Variants in TMEM131L observed in about 807,000 individuals in gnomAD.
TMEM131L encodes transmembrane protein 131-like.
TMEM131L carries 54 observed loss-of-function variants against 192.2 expected under a neutral mutation model. That is an observed-to-expected ratio of 0.28 (90% confidence interval 0.23 to 0.35). The LOEUF (loss-of-function observed/expected upper bound fraction) is 0.35, where lower values mean the gene tolerates loss of function less well. Ranked by LOEUF, TMEM131L falls within the 10% of genes least tolerant of loss-of-function variation. The pLI, the probability that TMEM131L is intolerant of heterozygous loss-of-function variation, is 1.00. For synonymous variants in TMEM131L, 701 were observed against 704.9 expected (o/e 0.99, Z 0.09); for missense variants, 1,888 against 1,972.9 (o/e 0.96, Z 0.82).
intron 2 of TMEM131L, among the ~76,000 whole-genome samples, chr4:153,467,947 G>GA (rs1458203398): frequency 1.3e-5 from 2 of 152,228 alleles, no homozygotes; most frequent in African/African-American, 4.8e-5. Context: ...CATTGACTGT[G>GA]AAGTGTGCAC....
chr4:153,557,060 C>T lies in TMEM131L; in HGVS notation c.527C>T (p.Ser176Leu), dbSNP rs140648764. ...IESSLFINTSSYGVLSYHVSG... is the reference protein window; with the variant it reads ...IESSLFINTSLYGVLSYHVSG... ...AGTTCCTTATTTATTAATACCTCTT[C>T]GTATGGAGTCCTTTCCTATCATGTG... The change falls in exon 6 of 35, where the codon TCG (serine) becomes TTG (leucine). Residue 176 changes from serine (S) to leucine (L), a missense_variant. Physicochemically the swap from Ser to Leu is moderately radical, Grantham distance 145. Coordinates refer to ENST00000409959, the MANE Select transcript of TMEM131L (RefSeq NM_001131007.2). 5.0e-4 allele frequency: 753 copies of T among 1,520,828 alleles called. 6 individuals carry two copies. The African/African-American group carries it at 8.5e-3, about 17-fold the overall frequency. The allele number at this position is 1,520,828 out of a possible 1,614,324, so 94.2% of individuals were successfully genotyped here.
Position 153,581,987 on chromosome 4 carries a change from A to G in TMEM131L, c.892+427A>G, listed in dbSNP as rs978941672. Among the ~76,000 whole-genome samples, 9 of 152,220 alleles carry G rather than the reference A, an allele frequency of 5.9e-5. No homozygotes were observed. In the East Asian group the frequency reaches 1.2e-3, roughly 20 times the overall value. ...TTCCTGGATGCTTGACAAGTTAGGT[A>G]GAATTTTAGTGTTCAGTTTTATGAA... On this transcript the variant is annotated intron_variant, in intron 9 of 34. Transcript: ENST00000409959.
intron 2 of TMEM131L, among the ~76,000 whole-genome samples, chr4:153,467,753 A>G (rs1305502837): frequency 6.6e-6 from 1 of 152,238 alleles, no homozygotes; most frequent in Admixed American, 6.5e-5. Context: ...AGTGCCCTTA[A>G]TTCCTGTTAA....
intron 26 of TMEM131L, among the ~76,000 whole-genome samples, chr4:153,613,022 A>T (rs1189368201): frequency 6.6e-6 from 1 of 152,202 alleles, no homozygotes; most frequent in East Asian, 1.9e-4. Context: ...TTTCAATAGG[A>T]ACATCTAACA....
intron 3 of TMEM131L, among the ~76,000 whole-genome samples, chr4:153,475,230 G>C (rs1731445882): frequency 6.6e-6 from 1 of 152,130 alleles, no homozygotes; most frequent in Non-Finnish European, 1.5e-5. Flanking sequence ...GTGGTTTTCA[G>C]ATCGTTCCTT....
At chr4:153,466,852 G>A (rs1730788000) in intron 1 of TMEM131L, among the ~76,000 whole-genome samples, 1 of 152,088 alleles carries the variant, frequency 6.6e-6, no homozygotes, top group African/African-American at 2.4e-5. Flanking sequence ...GCAGCGGCCC[G>A]GCTTCCTGCA....
chr4:153,506,740 G>GTA (rs1224771657), intron 3 of TMEM131L, among the ~76,000 whole-genome samples: 5 of 151,708 alleles, frequency 3.3e-5, no homozygotes, highest in Admixed American at 3.3e-4. Flanking sequence ...CTACTCAGGA[G>GTA]GCTGAGGCAG....
At chr4:153,499,036 G>T (rs1043672309) in intron 3 of TMEM131L, among the ~76,000 whole-genome samples, 3 of 152,194 alleles carry the variant, frequency 2.0e-5, no homozygotes, top group African/African-American at 7.2e-5. Flanking sequence ...CCTTTTCCTT[G>T]AATGTAGTCT....
At chr4:153,549,325 C>G (rs1383491753) in intron 3 of TMEM131L, among the ~76,000 whole-genome samples, 1 of 152,130 alleles carries the variant, frequency 6.6e-6, no homozygotes, top group Non-Finnish European at 1.5e-5. Flanking sequence ...TTCGTATTAC[C>G]TTTAGGAGCT....
At chr4:153,579,675 A>T (rs1269546987) in intron 7 of TMEM131L, among the ~76,000 whole-genome samples, 1 of 151,990 alleles carries the variant, frequency 6.6e-6, no homozygotes, top group Non-Finnish European at 1.5e-5. Context: ...GGGTTTTGCC[A>T]TGTCTCCTAG....
In TMEM131L at chr4:153,603,826, T is replaced by A. The variant is rs768726330; in HGVS notation, c.2814T>A (p.Asp938Glu). 18 of 1,585,476 alleles carry A rather than the reference T, an allele frequency of 1.1e-5. No individual in the cohort carries two copies. In the East Asian group the frequency reaches 3.8e-4, roughly 33 times the overall value. ...SYKSNCKNFL[D>E]TYGPSDKGRG... ...GAAGCAATTGCAAGAACTTTCTCGA[T>A]ACATATGGCCCCTCTGATAAAGGCA... Residue 938 changes from aspartate (D) to glutamate (E), a missense_variant, in exon 25 of 35, where the codon GAT becomes GAA. Asp to Glu is a conservative substitution (Grantham distance 45). Coordinates refer to ENST00000409959, the MANE Select transcript of TMEM131L (RefSeq NM_001131007.2).
chr4:153,590,596 A>C (rs1293371887), intron 16 of TMEM131L, among the ~76,000 whole-genome samples: 1 of 152,230 alleles, frequency 6.6e-6, no homozygotes, highest in Non-Finnish European at 1.5e-5. Context: ...TCCTTGCCAG[A>C]ATCAATTGTT....
At chr4:153,482,999 A>G (rs1185111408) in intron 3 of TMEM131L, among the ~76,000 whole-genome samples, 1 of 152,252 alleles carries the variant, frequency 6.6e-6, no homozygotes, top group Non-Finnish European at 1.5e-5. Flanking sequence ...TGAACCTTTA[A>G]TAATTCCATA....
Position 153,604,041 on chromosome 4 carries a change from T to C in TMEM131L, c.3029T>C (p.Leu1010Pro), listed in dbSNP as rs755407160. 1.8e-5 allele frequency: 29 copies of C among 1,614,170 alleles called. No individual in the cohort carries two copies. The highest frequency in any genetic ancestry group is 1.8e-4 in the East Asian group (8 of 44,884). ...TTTEEKQTSP[L>P]GSSLPAAKED... is the part of the protein sequence containing the mutation. ...ACTGAGGAAAAACAGACTTCACCCC[T>C]GGGCAGCTCACTGCCTGCTGCTAAA... The change falls in exon 25 of 35, where the codon CTG (leucine) becomes CCG (proline). Residue 1010 changes from leucine (L) to proline (P), a missense_variant. Transcript: ENST00000409959.
intron 3 of TMEM131L, among the ~76,000 whole-genome samples, chr4:153,511,793 G>A (rs974387759): frequency 6.6e-6 from 1 of 152,104 alleles, no homozygotes; most frequent in African/African-American, 2.4e-5. Context: ...AGACTGACCT[G>A]ATTGGAGAAA....
chr4:153,528,249 A>G (rs978256346), intron 3 of TMEM131L, among the ~76,000 whole-genome samples: 4 of 152,248 alleles, frequency 2.6e-5, no homozygotes, highest in African/African-American at 9.6e-5. Context: ...CCAGCCTACG[A>G]AAACAGAACA....
At chr4:153,565,519 A>G (rs1475136977) in intron 7 of TMEM131L, among the ~76,000 whole-genome samples, 3 of 152,222 alleles carry the variant, frequency 2.0e-5, no homozygotes, top group African/African-American at 4.8e-5. Context: ...AATTTTTGTA[A>G]TAAGGGCACA....
intron 7 of TMEM131L, among the ~76,000 whole-genome samples, chr4:153,580,491 AAAC>A (rs1466467481): frequency 3.9e-5 from 6 of 152,264 alleles, no homozygotes; most frequent in African/African-American, 1.4e-4. Context: ...CATTTTCAAC[AAAC>A]ATCAGAAACA....
chr4:153,515,431 CT>C (rs1467444256), intron 3 of TMEM131L, among the ~76,000 whole-genome samples: 10 of 152,306 alleles, frequency 6.6e-5, no homozygotes, highest in African/African-American at 2.4e-4. Context: ...TTATTCCTTT[CT>C]GCTGCCAAAC....
Sources: allele counts gnomAD v4.1 joint callset (sites outside exome capture counted in the v4.1 genomes callset), GRCh38; gene constraint gnomAD v4.1.1; transcripts MANE v1.5; gene names NCBI Gene and HGNC (gene_info 2026-07-23, HGNC 2026-07-21).